The following GPATCH8 variants were observed in gnomAD, a reference collection of about 807,000 sequenced individuals.
The protein encoded by GPATCH8 is G-patch domain containing 8.
In GPATCH8, 18 loss-of-function variants were observed where a neutral mutation model predicts 118.3. The observed-to-expected ratio is 0.15, with a 90% CI of 0.11 to 0.23. The LOEUF is 0.23. Ranked by LOEUF, GPATCH8 falls within the 10% of genes least tolerant of loss-of-function variation. The pLI, the probability that GPATCH8 is intolerant of heterozygous loss-of-function variation, is 1.00. For synonymous variants in GPATCH8, 659 were observed against 684.7 expected, an observed-to-expected ratio of 0.96 and a Z score of 0.59; for missense variants, 1,631 against 1,873.8, an observed-to-expected ratio of 0.87 and a Z score of 2.39.
intron 3 of GPATCH8, among the ~76,000 whole-genome samples, chr17:44,447,524 C>G (rs34090973): frequency 2.6e-5 from 4 of 151,856 alleles, no homozygotes; most frequent in African/African-American, 9.7e-5. Context: ...CTTAGCTCTC[C>G]AATAAGAGAT....
In GPATCH8 at chr17:44,398,596, A is replaced by G. The variant is rs764394707; in HGVS notation, c.3481T>C (p.Cys1161Arg). 1 of 1,552,758 alleles carries G rather than the reference A, an allele frequency of 6.4e-7. No homozygotes were observed. The change falls in exon 8 of 8, where the codon TGT (cysteine) becomes CGT (arginine). Residue 1161 changes from cysteine to arginine, a missense_variant. Coordinates refer to ENST00000591680, the MANE Select transcript of GPATCH8 (RefSeq NM_001002909.4). The part of the protein sequence containing the change: ...LPATRKPNKK[C>R]EESGLERGEE... ...CCCCTTTCCAAGCCAGACTCTTCAC[A>G]CTTCTTATTGGGCTTTCGGGTAGCT...
At chr17:44,407,002 C>T (rs1462817259) in intron 6 of GPATCH8, among the ~76,000 whole-genome samples, 1 of 152,100 alleles carries the variant, frequency 6.6e-6, no homozygotes, top group East Asian at 1.9e-4. Context: ...TATACATTAA[C>T]CTATGCTTTT....
intron 6 of GPATCH8, among the ~76,000 whole-genome samples, chr17:44,410,827 T>C (rs919072174): frequency 3.9e-5 from 6 of 152,170 alleles, no homozygotes; most frequent in African/African-American, 1.4e-4. Context: ...AGAAGACCAG[T>C]AGAAAGGCAA....
chr17:44,447,841 A>C (rs1465132801), intron 3 of GPATCH8, among the ~76,000 whole-genome samples: 2 of 152,126 alleles, frequency 1.3e-5, no homozygotes, highest in Non-Finnish European at 2.9e-5. Context: ...AGAGACAACA[A>C]ATGGAAGATA....
chr17:44,502,662 T>C (rs935089273), intron 1 of GPATCH8, among the ~76,000 whole-genome samples: 1 of 152,146 alleles, frequency 6.6e-6, no homozygotes, highest in Admixed American at 6.6e-5. Flanking sequence ...TCTTTCGAGA[T>C]AGGATTTGAG....
chr17:44,450,321 T>G (rs1413812571), intron 3 of GPATCH8, among the ~76,000 whole-genome samples: 1 of 152,216 alleles, frequency 6.6e-6, no homozygotes, highest in Non-Finnish European at 1.5e-5. Flanking sequence ...CCAGCAACAC[T>G]GAGATTATAA....
intron 7 of GPATCH8, among the ~76,000 whole-genome samples, chr17:44,402,251 G>C (rs570249815): frequency 2.0e-5 from 3 of 149,358 alleles, no homozygotes; most frequent in Non-Finnish European, 4.4e-5. Context: ...ACCTGGGAGA[G>C]GCAGAGGTTG....
chr17:44,488,490 TC>T (rs1235568993), intron 1 of GPATCH8, among the ~76,000 whole-genome samples: 1 of 151,856 alleles, frequency 6.6e-6, no homozygotes, highest in East Asian at 2.0e-4. Flanking sequence ...TGCCTCAGCC[TC>T]CCAAGTAGCC....
chr17:44,447,671 A>AT (rs1346787515), intron 3 of GPATCH8, among the ~76,000 whole-genome samples: 1 of 144,438 alleles, frequency 6.9e-6, no homozygotes, highest in Non-Finnish European at 1.5e-5. Flanking sequence ...CAGGCTGGAG[A>AT]TTAGAGTGCA....
intron 1 of GPATCH8, among the ~76,000 whole-genome samples, chr17:44,484,252 G>A (rs564944283): frequency 6.6e-6 from 1 of 152,278 alleles, no homozygotes; most frequent in Admixed American, 6.5e-5. Context: ...CCAAAGTGCT[G>A]GGATTACAGG....
At position 44,399,182 on chromosome 17, in the gene GPATCH8, A is replaced by ACAACTG. The variant is rs2143602889; in HGVS notation, c.2889_2894dup (p.Cys965_Ser966dup). ...TTCTCCGCTTGCTTCGACTACGACT[A>ACAACTG]CAACTGCTGCTGCGGCTGCGGCCCC... On this transcript the variant is annotated inframe_insertion, in exon 8 of 8. Coordinates refer to ENST00000591680, the MANE Select transcript of GPATCH8 (RefSeq NM_001002909.4). 1.2e-6 allele frequency: 2 copies of ACAACTG among 1,612,158 alleles called. No individual in the cohort carries two copies. Among genetic ancestry groups the ACAACTG allele is most frequent in the Non-Finnish European group, 8.5e-7 (1 of 1,178,392 alleles).
chr17:44,474,367 AC>A (rs1416400639), intron 2 of GPATCH8: 1 of 227,382 alleles, frequency 4.4e-6, no homozygotes, highest in African/African-American at 2.3e-5. Context: ...ATGTTTCACA[AC>A]AGTCTGGTAA....
intron 2 of GPATCH8, among the ~76,000 whole-genome samples, chr17:44,466,582 A>T: frequency 6.6e-6 from 1 of 151,960 alleles, no homozygotes; most frequent in East Asian, 1.9e-4. Context: ...ACATTCCCTT[A>T]CCCAGTGTTC....
chr17:44,468,134 A>AT (rs928760975), intron 2 of GPATCH8, among the ~76,000 whole-genome samples: 57 of 147,968 alleles, frequency 3.9e-4, no homozygotes, highest in African/African-American at 1.0e-3. Context: ...CATCCAGCCA[A>AT]TTTTTTTTTT....
Position 44,397,785 on chromosome 17 carries a change from G to GCAGGGTGGC in GPATCH8, c.4283_4291dup (p.Gly1428_Pro1430dup). On this transcript the variant is annotated inframe_insertion, in exon 8 of 8. Transcript: ENST00000591680. ...GATGGGATGGCTAGCGAGAAAGGTG[G>GCAGGGTGGC]CAGGGTGGCCAGGGATGATTGAGTG... 6.3e-7 allele frequency: 1 copy of GCAGGGTGGC among 1,583,718 alleles called. No individual in the cohort carries two copies. Among genetic ancestry groups the GCAGGGTGGC allele is most frequent in the Non-Finnish European group, 8.6e-7 (1 of 1,162,468 alleles).
chr17:44,474,523 C>T (rs1457378809), intron 2 of GPATCH8: 18 of 431,194 alleles, frequency 4.2e-5, no homozygotes, highest in Non-Finnish European at 6.4e-5. Flanking sequence ...ACATTTTACT[C>T]CTTTATTCAA....
At chr17:44,490,773 T>G (rs1969186051) in intron 1 of GPATCH8, among the ~76,000 whole-genome samples, 1 of 152,074 alleles carries the variant, frequency 6.6e-6, no homozygotes, top group African/African-American at 2.4e-5. Context: ...GGCAAATGAA[T>G]ACAACCTGGC....
At chr17:44,443,737 C>T (rs1019685620) in intron 3 of GPATCH8, among the ~76,000 whole-genome samples, 8 of 152,282 alleles carry the variant, frequency 5.3e-5, no homozygotes, top group East Asian at 3.9e-4. Flanking sequence ...GGCATAACCA[C>T]GGCTCACTGC....
In GPATCH8 at chr17:44,399,482, G is replaced by A; in HGVS notation, c.2595C>T (p.Ser865=). 6.2e-7 allele frequency: 1 copy of A among 1,614,158 alleles called. No homozygotes were observed. The highest frequency in any genetic ancestry group is 8.5e-7 in the Non-Finnish European group (1 of 1,180,030). ...RSGRRHSSHR[S]SRRSYSSSSD... ...AGCTACTTGAGTAAGAACGCCGGGAGGAACGATGCGAGGAATGGCGCCGGC... is the reference window on the plus strand; with the variant it reads ...AGCTACTTGAGTAAGAACGCCGGGAAGAACGATGCGAGGAATGGCGCCGGC... Residue 865 remains serine, a synonymous_variant, in exon 8 of 8, where the codon TCC becomes TCT. Coordinates refer to ENST00000591680, the MANE Select transcript of GPATCH8 (RefSeq NM_001002909.4).
Sources: allele counts gnomAD v4.1 joint callset (sites outside exome capture counted in the v4.1 genomes callset), GRCh38; gene constraint gnomAD v4.1.1; transcripts MANE v1.5; gene names NCBI Gene and HGNC (gene_info 2026-07-23, HGNC 2026-07-21).